Variants in RELN observed in about 807,000 individuals in gnomAD.
RELN encodes the protein reelin.
Under a neutral mutation model 427.6 loss-of-function variants are expected in RELN, and 108 were observed. That is an observed-to-expected ratio of 0.25 (90% CI 0.22 to 0.30). The LOEUF (loss-of-function observed/expected upper bound fraction) is 0.30. Ranked by LOEUF, RELN falls within the 10% of genes least tolerant of loss-of-function variation. The pLI, the probability that RELN is intolerant of heterozygous loss-of-function variation, is 1.00. For synonymous variants in RELN, 1,524 were observed against 1,513.4 expected, an observed-to-expected ratio of 1.01 and a Z score of -0.16; for missense variants, 3,715 against 4,302.8, an observed-to-expected ratio of 0.86 and a Z score of 3.82.
chr7:103,684,284 A>G (rs993470642), intron 10 of RELN, among the ~76,000 whole-genome samples: 3 of 152,092 alleles, frequency 2.0e-5, no homozygotes, highest in African/African-American at 7.2e-5. Flanking sequence ...CTGTTTTAGG[A>G]TTGGGCACAG....
intron 2 of RELN, among the ~76,000 whole-genome samples, chr7:103,857,235 T>C (rs1793968282): frequency 2.0e-5 from 3 of 152,222 alleles, no homozygotes; most frequent in Admixed American, 1.3e-4. Context: ...TCTAAAGACT[T>C]ACTGCATAGC....
intron 13 of RELN, among the ~76,000 whole-genome samples, chr7:103,653,025 G>C (rs1832955547): frequency 6.6e-6 from 1 of 152,008 alleles, no homozygotes; most frequent in Non-Finnish European, 1.5e-5. Context: ...AAGATAAACT[G>C]ATATAAGGTC....
intron 1 of RELN, among the ~76,000 whole-genome samples, chr7:103,923,076 T>C (rs1283242492): frequency 6.6e-6 from 1 of 152,240 alleles, no homozygotes; most frequent in African/African-American, 2.4e-5. Flanking sequence ...CAGCAGAATC[T>C]AATATTGTCA....
rs1021197371 is a variant in RELN at position 103,948,565 on chromosome 7, C to T, written c.227-31380G>A. ...GCACACGCCTGCAGTCCCAGCTACT[C>T]GGGAGGCTGAGGCAGGAGAATTGCT... On this transcript the variant is annotated intron_variant, in intron 1 of 64. Coordinates refer to ENST00000428762, the MANE Select transcript of RELN (RefSeq NM_005045.4). Among the ~76,000 whole-genome samples the T allele has an allele frequency of 3.3e-5, 5 of 152,096 alleles. No homozygotes were observed. In the East Asian group the frequency reaches 7.8e-4, roughly 24 times the overall value.
chr7:103,587,282 G>A (rs1194520580), intron 28 of RELN, among the ~76,000 whole-genome samples: 1 of 152,158 alleles, frequency 6.6e-6, no homozygotes, highest in Non-Finnish European at 1.5e-5. Flanking sequence ...ACTGGGGAAA[G>A]GACACCCTCT....
chr7:103,750,883 G>A (rs1465536678), intron 5 of RELN, among the ~76,000 whole-genome samples: 3 of 152,140 alleles, frequency 2.0e-5, no homozygotes, highest in African/African-American at 7.2e-5. Context: ...GAGGTATATT[G>A]AATACCTATT....
chr7:103,984,174 GAC>G (rs1563125069), intron 1 of RELN, among the ~76,000 whole-genome samples: 1 of 149,130 alleles, frequency 6.7e-6, no homozygotes, highest in Non-Finnish European at 1.5e-5. Context: ...AAAAATCAAA[GAC>G]AGATTTTTAG....
intron 11 of RELN, among the ~76,000 whole-genome samples, chr7:103,676,330 C>G (rs1299723385): frequency 6.6e-6 from 1 of 152,138 alleles, no homozygotes; most frequent in Non-Finnish European, 1.5e-5. Context: ...CAAATCAAAA[C>G]CACAGTGAGA....
chr7:103,773,426 C>CCT (rs60313039), intron 4 of RELN, among the ~76,000 whole-genome samples: 8 of 46,326 alleles, frequency 1.7e-4, no homozygotes, highest in East Asian at 6.9e-4. Flanking sequence ...TCCCTCGCTC[C>CCT]CTCTCTCTCT....
chr7:103,511,010 A>G lies in RELN; in HGVS notation c.8120-5T>C. ...GGAATAGCCAGTGCTCATTCACTTA[A>G]AACAAAAAAACAAAATTTTATGACA... On this transcript the variant is annotated splice_region_variant and splice_polypyrimidine_tract_variant and intron_variant, in intron 50 of 64. Transcript: ENST00000428762. 6.2e-7 allele frequency: 1 copy of G among 1,611,164 alleles called. No homozygotes were observed. Among genetic ancestry groups the G allele is most frequent in the Non-Finnish European group, 8.5e-7 (1 of 1,177,546 alleles).
chr7:103,685,883 A>G (rs1408665059), intron 10 of RELN, among the ~76,000 whole-genome samples: 3 of 152,148 alleles, frequency 2.0e-5, no homozygotes, highest in African/African-American at 7.2e-5. Context: ...ATTCTTCAAT[A>G]TAACAAGTCC....
chr7:103,536,576 G>A (rs928233835), intron 45 of RELN, among the ~76,000 whole-genome samples: 1 of 152,184 alleles, frequency 6.6e-6, no homozygotes, highest in Non-Finnish European at 1.5e-5. Context: ...ACTGCCCTAA[G>A]GTTTCTAGGT....
Position 103,500,906 on chromosome 7 carries a change from A to C in RELN, c.8506T>G (p.Phe2836Val), listed in dbSNP as rs144309551. The change falls in exon 53 of 65, where the codon TTC becomes GTC. Residue 2836 changes from phenylalanine (F) to valine (V), a missense_variant. Coordinates refer to ENST00000428762, the MANE Select transcript of RELN (RefSeq NM_005045.4). ...SLVGNPVRFR[F>V]YQKYSDMQWA... ...TGCATGTCTGAGTACTTCTGATAGA[A>C]CCTAAACCTTACCGGACTATTGACA... 1 of 1,614,060 alleles carries C rather than the reference A, an allele frequency of 6.2e-7. No homozygotes were observed. Among genetic ancestry groups the C allele is most frequent in the African/African-American group, 1.3e-5 (1 of 75,016 alleles).
At chr7:103,962,647 TGTG>T in intron 1 of RELN, among the ~76,000 whole-genome samples, 1 of 13,596 alleles carries the variant, frequency 7.4e-5, no homozygotes, top group African/African-American at 3.2e-3. Context: ...CCAAAGTTGT[TGTG>T]TGTGTGTGTG....
At chr7:103,661,850 G>A (rs1833151211) in intron 11 of RELN, among the ~76,000 whole-genome samples, 1 of 152,126 alleles carries the variant, frequency 6.6e-6, no homozygotes, top group South Asian at 2.1e-4. Flanking sequence ...ACTTATAGTT[G>A]AGTTGGGAAA....
At chr7:103,948,485 C>A (rs183190439) in intron 1 of RELN, among the ~76,000 whole-genome samples, 25 of 152,132 alleles carry the variant, frequency 1.6e-4, no homozygotes, top group Non-Finnish European at 2.9e-4. Flanking sequence ...CCATCCTGGC[C>A]AACATGGTGA....
chr7:103,716,459 A>G (rs1562969147), intron 8 of RELN, among the ~76,000 whole-genome samples: 1 of 151,996 alleles, frequency 6.6e-6, no homozygotes, highest in Non-Finnish European at 1.5e-5. Context: ...GAGCTTAAAG[A>G]TCTTCTCTTT....
At chr7:103,548,322 A>G (rs362770) in intron 41 of RELN, among the ~76,000 whole-genome samples, 10,860 of 152,266 alleles carry the variant, frequency 0.071, 510 homozygotes, top group South Asian at 0.14. Flanking sequence ...TAATTTAAAC[A>G]TGGATTTTTG....
intron 8 of RELN, among the ~76,000 whole-genome samples, chr7:103,707,406 A>G (rs1419699839): frequency 2.0e-5 from 3 of 152,216 alleles, no homozygotes; most frequent in African/African-American, 7.2e-5. Context: ...TTAACCTGAT[A>G]TAATACTGCA....
Sources: gnomAD v4.1 joint callset for allele counts (sites outside exome capture counted in the v4.1 genomes callset) on GRCh38, gnomAD v4.1.1 for gene constraint, MANE v1.5 for transcripts, NCBI Gene and HGNC (gene_info 2026-07-23, HGNC 2026-07-21) for gene names.